ANKS1B: variants seen among roughly 807,000 people sequenced by gnomAD.
ANKS1B encodes the protein ankyrin repeat and sterile alpha motif domain-containing protein 1B.
Under a neutral mutation model 148.3 loss-of-function variants are expected in ANKS1B, and 36 were observed. The observed-to-expected ratio is 0.24, with a 90% CI of 0.19 to 0.32. ANKS1B has a LOEUF of 0.32. Ranked by LOEUF, ANKS1B falls within the 10% of genes least tolerant of loss-of-function variation. The pLI is 1.00. For synonymous variants in ANKS1B, 542 were observed against 560.8 expected, an observed-to-expected ratio of 0.97 and a Z score of 0.47; for missense variants, 1,157 against 1,542.6, an observed-to-expected ratio of 0.75 and a Z score of 4.19.
intron 24 of ANKS1B, 113 bp from the exon 25 acceptor site, chr12:98,773,292 A>G: frequency 1.7e-6 from 2 of 1,178,846 alleles, no homozygotes; most frequent in African/African-American, 1.5e-5. Context: ...AGTGTTCTAG[A>G]CTAGCAACAC....
intron 12 of ANKS1B, among the ~76,000 whole-genome samples, chr12:99,285,059 T>C (rs1266476924): frequency 2.0e-5 from 3 of 152,212 alleles, no homozygotes; most frequent in Non-Finnish European, 4.4e-5. Flanking sequence ...ATCAACAAAA[T>C]TGGCATATCT....
At chr12:99,736,489 C>CTTTTTTTTTTTTTTTTTTTTTTTTTTTTT (rs1601007542) in intron 8 of ANKS1B, among the ~76,000 whole-genome samples, 1 of 151,896 alleles carries the variant, frequency 6.6e-6, no homozygotes, top group East Asian at 1.9e-4. Context: ...AGAAGGCAAT[C>CTTTTTTTTTTTTTTTTTTTTTTTTTTTTT]TTATTTACAG....
chr12:99,232,221 C>T (rs2086988947), intron 14 of ANKS1B, among the ~76,000 whole-genome samples: 1 of 152,140 alleles, frequency 6.6e-6, no homozygotes, highest in Admixed American at 6.6e-5. Flanking sequence ...ATTTTAATAG[C>T]TTTCATTTAT....
intron 11 of ANKS1B, among the ~76,000 whole-genome samples, chr12:99,423,138 A>G (rs1225716976): frequency 2.0e-5 from 3 of 152,194 alleles, no homozygotes; most frequent in African/African-American, 7.2e-5. Flanking sequence ...TTGGCATGCA[A>G]GCTAACTGGA....
At chr12:99,623,561 T>C (rs765271431) in intron 9 of ANKS1B, among the ~76,000 whole-genome samples, 2 of 151,956 alleles carry the variant, frequency 1.3e-5, no homozygotes, top group Non-Finnish European at 2.9e-5. Flanking sequence ...TTTCAGAATA[T>C]GAAATTAACA....
chr12:99,892,172 T>C (rs1297592276), intron 1 of ANKS1B, among the ~76,000 whole-genome samples: 2 of 151,908 alleles, frequency 1.3e-5, no homozygotes, highest in Non-Finnish European at 2.9e-5. Flanking sequence ...CCCGGCTAAT[T>C]TTTTGTATTT....
intron 11 of ANKS1B, among the ~76,000 whole-genome samples, chr12:99,438,384 ACT>A (rs1423234238): frequency 2.6e-5 from 4 of 151,624 alleles, no homozygotes; most frequent in African/African-American, 4.8e-5. Flanking sequence ...TAAGCCCTCA[ACT>A]CTCTCCAGAA....
chr12:99,133,075 A>G (rs2066682304), intron 15 of ANKS1B, among the ~76,000 whole-genome samples: 3 of 136,620 alleles, frequency 2.2e-5, no homozygotes, highest in African/African-American at 8.4e-5. Flanking sequence ...TTTTTGAGAC[A>G]GAGTATTGCT....
intron 12 of ANKS1B, among the ~76,000 whole-genome samples, chr12:99,315,223 T>C (rs2083839598): frequency 6.7e-6 from 1 of 148,240 alleles, no homozygotes; most frequent in African/African-American, 2.5e-5. Flanking sequence ...CTAGTGACAG[T>C]GTGAGACTTC....
At chr12:98,880,138 A>T (rs1266955589) in intron 17 of ANKS1B, among the ~76,000 whole-genome samples, 2 of 152,246 alleles carry the variant, frequency 1.3e-5, no homozygotes, top group East Asian at 1.9e-4. Flanking sequence ...CAATCCTGAA[A>T]GTTTTATCTC....
At chr12:99,506,913 T>C (rs867420562) in intron 9 of ANKS1B, among the ~76,000 whole-genome samples, 1 of 151,948 alleles carries the variant, frequency 6.6e-6, no homozygotes, top group Non-Finnish European at 1.5e-5. Context: ...CATTGTACAA[T>C]GAGTCCAACA....
rs73389926 is a variant in ANKS1B, at chr12:99,732,930, C to T, written c.1128+39992G>A. ...CAATCATTTTCATTCAGTTATAAGA[C>T]CAACATTTATCTTAAGCCAGATTTG... On this transcript the variant is annotated intron_variant, in intron 8 of 26. Transcript: ENST00000683438. 3.4e-3 allele frequency among the ~76,000 whole-genome samples: 511 copies of T among 151,888 alleles called. 2 individuals carry two copies. Among genetic ancestry groups the T allele is most frequent in the African/African-American group, 0.011 (457 of 41,386 alleles).
intron 16 of ANKS1B, among the ~76,000 whole-genome samples, chr12:99,061,939 C>T (rs1447909429): frequency 6.6e-6 from 1 of 152,152 alleles, no homozygotes; most frequent in East Asian, 1.9e-4. Flanking sequence ...GAGAAAAATG[C>T]AGGGAAACCC....
intron 17 of ANKS1B, among the ~76,000 whole-genome samples, chr12:99,050,890 G>A (rs2099965582): frequency 6.6e-6 from 1 of 151,274 alleles, no homozygotes; most frequent in Non-Finnish European, 1.5e-5. Flanking sequence ...CATAGAGGCA[G>A]GGTTTCACCA....
At chr12:98,962,152 A>T (rs1472311336) in intron 17 of ANKS1B, among the ~76,000 whole-genome samples, 1 of 151,826 alleles carries the variant, frequency 6.6e-6, no homozygotes, top group African/African-American at 2.4e-5. Context: ...GATAAAAAAA[A>T]AAAACAAGAT....
intron 12 of ANKS1B, among the ~76,000 whole-genome samples, chr12:99,280,474 G>C (rs897652653): frequency 2.6e-5 from 4 of 152,126 alleles, no homozygotes; most frequent in African/African-American, 9.7e-5. Context: ...TTACTTCTGG[G>C]CTGCCATGGT....
At chr12:98,981,988 T>C (rs1485305109) in intron 17 of ANKS1B, among the ~76,000 whole-genome samples, 1 of 152,144 alleles carries the variant, frequency 6.6e-6, no homozygotes, top group Admixed American at 6.6e-5. Context: ...TAAAGGACAT[T>C]AAACTGAGCG....
chr12:99,665,456 C>G (rs1359182224), intron 8 of ANKS1B, among the ~76,000 whole-genome samples: 2 of 151,802 alleles, frequency 1.3e-5, no homozygotes, highest in African/African-American at 2.4e-5. Flanking sequence ...TGGTGAAGTA[C>G]CTTTACACAT....
At chr12:99,234,109 G>A (rs138095824) in intron 14 of ANKS1B, among the ~76,000 whole-genome samples, 1 of 152,188 alleles carries the variant, frequency 6.6e-6, no homozygotes, top group East Asian at 1.9e-4. Flanking sequence ...CTCTGTTAGA[G>A]CTAGGCATAG....
Sources: allele counts gnomAD v4.1 joint callset (sites outside exome capture counted in the v4.1 genomes callset), GRCh38; gene constraint gnomAD v4.1.1; transcripts MANE v1.5; gene names NCBI Gene and HGNC (gene_info 2026-07-23, HGNC 2026-07-21).